Variants in TTC28 observed in about 807,000 individuals in gnomAD.
The protein encoded by TTC28 is tetratricopeptide repeat domain 28, also known as tetratricopeptide repeat protein 28.
Under a neutral mutation model 198.0 loss-of-function variants are expected in TTC28, and 61 were observed. The observed-to-expected ratio is 0.31, with a 90% confidence interval of 0.25 to 0.38. The LOEUF (loss-of-function observed/expected upper bound fraction) is 0.38. TTC28 is among the 10% of genes least tolerant of loss of function. The pLI is 1.00. For synonymous variants in TTC28, 1,171 were observed against 1,297.8 expected, an observed-to-expected ratio of 0.90 and a Z score of 2.10; for missense variants, 2,678 against 3,164.0, an observed-to-expected ratio of 0.85 and a Z score of 3.69.
At chr22:28,301,596 C>T (rs1489682329) in intron 3 of TTC28, among the ~76,000 whole-genome samples, 1 of 152,134 alleles carries the variant, frequency 6.6e-6, no homozygotes, top group East Asian at 1.9e-4. Flanking sequence ...TATTAACAAT[C>T]TCTGAATTTG....
intron 1 of TTC28, among the ~76,000 whole-genome samples, chr22:28,644,398 CAA>C (rs550663869): frequency 1.7e-4 from 20 of 114,584 alleles, no homozygotes; most frequent in Admixed American, 1.8e-4. Flanking sequence ...GACTCCATCT[CAA>C]AAAAAAAAAA....
chr22:28,593,567 T>C lies in TTC28; in HGVS notation c.381+35985A>G, dbSNP rs1010949982. Among the ~76,000 whole-genome samples, 18 of 148,118 alleles carry C rather than the reference T, an allele frequency of 1.2e-4. 3 individuals are homozygous for C. In the South Asian group the frequency reaches 3.5e-3, roughly 29 times the overall value. ...TAGATGAAGAGTTTAGATTGACTGA[T>C]TGGTTTATATGTTCATCAAATACCC... On this transcript the variant is annotated intron_variant, in intron 2 of 22. Coordinates refer to ENST00000397906, the MANE Select transcript of TTC28 (RefSeq NM_001145418.2).
intron 5 of TTC28, among the ~76,000 whole-genome samples, chr22:28,234,507 G>C (rs1049209896): frequency 1.3e-5 from 2 of 151,648 alleles, no homozygotes; most frequent in African/African-American, 2.4e-5. Flanking sequence ...TGAGTAGCTG[G>C]GATTATAGGT....
chr22:28,660,453 G>A (rs1379312297), intron 1 of TTC28, among the ~76,000 whole-genome samples: 1 of 152,180 alleles, frequency 6.6e-6, no homozygotes, highest in Non-Finnish European at 1.5e-5. Context: ...AGCCTCCCAA[G>A]TAGCTGGGAC....
chr22:28,449,111 G>A (rs1184907058), intron 2 of TTC28, among the ~76,000 whole-genome samples: 1 of 152,212 alleles, frequency 6.6e-6, no homozygotes, highest in Non-Finnish European at 1.5e-5. Flanking sequence ...CTTAGCCAAA[G>A]CTAAGTGCTA....
At chr22:27,997,738 AGGTATGTT>A (rs2146538074) in intron 16 of TTC28, 1 of 152,350 alleles carries the variant, frequency 6.6e-6, no homozygotes, top group Non-Finnish European at 1.5e-5. Flanking sequence ...ACACATCATG[AGGTATGTT>A]GGTAAAACAG....
intron 5 of TTC28, among the ~76,000 whole-genome samples, chr22:28,258,461 T>C (rs1171407166): frequency 1.3e-5 from 2 of 152,204 alleles, no homozygotes; most frequent in East Asian, 3.8e-4. Context: ...AGTACCTTTA[T>C]ATTTAAATTT....
intron 2 of TTC28, among the ~76,000 whole-genome samples, chr22:28,446,785 C>T (rs1327634878): frequency 6.6e-6 from 1 of 152,106 alleles, no homozygotes; most frequent in Admixed American, 6.5e-5. Flanking sequence ...TATAGCAATA[C>T]AAAAACAGAC....
chr22:28,075,928 T>C (rs1331806851), intron 12 of TTC28, among the ~76,000 whole-genome samples: 1 of 152,314 alleles, frequency 6.6e-6, no homozygotes, highest in Admixed American at 6.5e-5. Flanking sequence ...CGTGAGCTAC[T>C]GTAAGGCCAA....
chr22:28,209,521 A>G (rs1926719839), intron 5 of TTC28, among the ~76,000 whole-genome samples: 1 of 152,190 alleles, frequency 6.6e-6, no homozygotes, highest in South Asian at 2.1e-4. Context: ...TCCCACGCCC[A>G]CTGAGCCTCA....
At chr22:28,543,742 C>A (rs181950458) in intron 2 of TTC28, among the ~76,000 whole-genome samples, 2 of 152,276 alleles carry the variant, frequency 1.3e-5, no homozygotes, top group African/African-American at 4.8e-5. Context: ...CATTTTCAAA[C>A]TCCTTTGATA....
rs529835620 is a variant in TTC28 at position 28,421,705 on chromosome 22, T to C, written c.382-115062A>G. Among the ~76,000 whole-genome samples the C allele has an allele frequency of 1.2e-4, 18 of 152,290 alleles. No homozygotes were observed. In the South Asian group the frequency reaches 3.7e-3, roughly 32 times the overall value. Reference sequence around the variant, plus strand: ...GCTCACACCTATAATCCCAGCACTTTGGGAACCCAAGGCAGGCGGATCACG... The same window carrying C: ...GCTCACACCTATAATCCCAGCACTTCGGGAACCCAAGGCAGGCGGATCACG... On this transcript the variant is annotated intron_variant, in intron 2 of 22. Coordinates refer to ENST00000397906, the MANE Select transcript of TTC28 (RefSeq NM_001145418.2).
At chr22:28,355,861 C>A (rs1403465233) in intron 2 of TTC28, among the ~76,000 whole-genome samples, 1 of 152,208 alleles carries the variant, frequency 6.6e-6, no homozygotes, top group African/African-American at 2.4e-5. Context: ...AATTGTGTGG[C>A]CTTCTGCTCC....
intron 2 of TTC28, among the ~76,000 whole-genome samples, chr22:28,530,622 T>A (rs538661983): frequency 9.2e-5 from 14 of 151,982 alleles, no homozygotes; most frequent in Non-Finnish European, 2.1e-4. Context: ...TTCACCAAAG[T>A]TGAAATGAAG....
intron 5 of TTC28, among the ~76,000 whole-genome samples, chr22:28,290,001 G>A (rs1195661651): frequency 6.6e-6 from 1 of 152,020 alleles, no homozygotes; most frequent in Non-Finnish European, 1.5e-5. Context: ...TCCAGCCTAG[G>A]CGACAGAGCG....
At chr22:28,165,905 C>T (rs1921873921) in intron 5 of TTC28, among the ~76,000 whole-genome samples, 1 of 152,130 alleles carries the variant, frequency 6.6e-6, no homozygotes, top group African/African-American at 2.4e-5. Flanking sequence ...AGAGTCAAGA[C>T]CCATCAGTGT....
At chr22:28,585,176 T>C (rs2050295783) in intron 2 of TTC28, among the ~76,000 whole-genome samples, 1 of 152,200 alleles carries the variant, frequency 6.6e-6, no homozygotes, top group Admixed American at 6.5e-5. Context: ...GCTGGGGAGA[T>C]GGTTTCGGGA....
chr22:28,092,208 C>T (rs1474875699), intron 12 of TTC28, among the ~76,000 whole-genome samples: 4 of 152,218 alleles, frequency 2.6e-5, no homozygotes, highest in Admixed American at 6.5e-5. Flanking sequence ...AATGAAAGTT[C>T]GCTTCCAAGA....
chr22:28,246,743 A>AC (rs1030032860), intron 5 of TTC28, among the ~76,000 whole-genome samples: 1 of 152,104 alleles, frequency 6.6e-6, no homozygotes, highest in Non-Finnish European at 1.5e-5. Context: ...TTCAGCTTTC[A>AC]CCCCAGGTCT....
Sources: allele counts gnomAD v4.1 joint callset (sites outside exome capture counted in the v4.1 genomes callset), GRCh38; gene constraint gnomAD v4.1.1; transcripts MANE v1.5; gene names NCBI Gene and HGNC (gene_info 2026-07-23, HGNC 2026-07-21).